The following MYOM3 variants were observed in gnomAD, a reference collection of about 807,000 sequenced individuals.
MYOM3 encodes the protein myomesin 3.
A neutral mutation model predicts 191.7 loss-of-function variants in MYOM3; 155 were observed. The observed-to-expected ratio is 0.81, with a 90% CI of 0.71 to 0.92. The LOEUF is 0.92. Ranked by LOEUF, MYOM3 falls within the 40% of genes least tolerant of loss-of-function variation. The pLI, the probability that MYOM3 is intolerant of heterozygous loss-of-function variation, is 0.00. For missense variants in MYOM3, 1,889 were observed against 1,890.6 expected (o/e 1.00, Z 0.02); for synonymous variants, 757 against 762.9 (o/e 0.99, Z 0.13).
At chr1:24,068,441 T>G in intron 25 of MYOM3, 74 bp from the exon 26 acceptor site, 1 of 1,574,334 alleles carries the variant, frequency 6.4e-7, no homozygotes, top group Non-Finnish European at 8.7e-7. Context: ...CAGAGTGTAG[T>G]GGGCTTGGGG....
At chr1:24,064,321 G>A (rs1164400914) in intron 29 of MYOM3, 162 bp from the exon 30 acceptor site, 9 of 587,372 alleles carry the variant, frequency 1.5e-5, no homozygotes, top group Non-Finnish European at 2.4e-5. Context: ...TCTGGGCTGG[G>A]TGAGCTCTAA....
At chr1:24,092,611 G>T (rs766988567) in intron 10 of MYOM3, among the ~76,000 whole-genome samples, 1 of 152,126 alleles carries the variant, frequency 6.6e-6, no homozygotes, top group African/African-American at 2.4e-5. Context: ...TCTCCTGGAG[G>T]TGAGTGAGTG....
chr1:24,089,772 G>A, intron 13 of MYOM3, 107 bp from the exon 14 acceptor site: 5 of 1,332,528 alleles, frequency 3.8e-6, no homozygotes, highest in South Asian at 1.5e-5. Flanking sequence ...CCATCCCCCA[G>A]AGAGGGGCAG....
At chr1:24,085,444 A>T (rs185162479) in intron 15 of MYOM3, among the ~76,000 whole-genome samples, 17 of 152,268 alleles carry the variant, frequency 1.1e-4, no homozygotes, top group African/African-American at 4.1e-4. Context: ...TGATCTTCCT[A>T]GTTCTCTTTT....
intron 14 of MYOM3, among the ~76,000 whole-genome samples, chr1:24,088,596 C>A (rs186406338): frequency 1.3e-5 from 2 of 152,092 alleles, no homozygotes; most frequent in Non-Finnish European, 2.9e-5. Context: ...TTTCCTATGT[C>A]GGAGAAAAAG....
Position 24,093,042 on chromosome 1 carries a change from AC to A in MYOM3, c.994del (p.Val332CysfsTer31). ...LYTDRQASLKVSCTYKEDEGL... is the reference protein window; with the variant it reads ...LYTDRQASLKXSCTYKEDEGL... ...CTCGTCCTCCTTGTAGGTGCAGGAC[AC>A]CTTCAGGGATGCCTGGCGGTCTGTG... On this transcript the variant is annotated frameshift_variant, in exon 10 of 37. Coordinates refer to ENST00000374434, the MANE Select transcript of MYOM3 (RefSeq NM_152372.4). LOFTEE classifies it high-confidence loss of function. The A allele has an allele frequency of 1.9e-6, 3 of 1,613,216 alleles. No homozygotes were observed. Among genetic ancestry groups the A allele is most frequent in the Non-Finnish European group, 2.5e-6 (3 of 1,179,894 alleles).
In MYOM3 at chr1:24,064,053, ACCCAT is replaced by A. The variant is rs775703783; in HGVS notation, c.3622+14_3622+18del. The A allele has an allele frequency of 6.2e-7, 1 of 1,601,968 alleles. No individual in the cohort carries two copies. The highest frequency in any genetic ancestry group is 1.7e-5 in the Admixed American group (1 of 59,900). ...CACTGTGCTCCCTCCACAGCCCCTG[ACCCAT>A]CGCCAGCTCCTACCGTCACCCGTGA... On this transcript the variant is annotated intron_variant, in intron 30 of 36. Transcript: ENST00000374434.
chr1:24,097,925 C>A lies in MYOM3; in HGVS notation c.743G>T (p.Arg248Leu). ...QASSFAKVLVRTYLGKDAGFD... is the reference protein window; with the variant it reads ...QASSFAKVLVLTYLGKDAGFD... Reference sequence around the variant, plus strand: ...CTGTTGGGGTTGGGAGGACTTACTGCGGACGAGGACTTTGGCGAAGGAGGA... The same window carrying A: ...CTGTTGGGGTTGGGAGGACTTACTGAGGACGAGGACTTTGGCGAAGGAGGA... Residue 248 changes from arginine (R) to leucine (L), a missense_variant and splice_region_variant, in exon 7 of 37, where the codon CGC becomes CTC. Coordinates refer to ENST00000374434, the MANE Select transcript of MYOM3 (RefSeq NM_152372.4). 6.2e-7 allele frequency: 1 copy of A among 1,610,322 alleles called. No individual in the cohort carries two copies. Among genetic ancestry groups the A allele is most frequent in the Non-Finnish European group, 8.5e-7 (1 of 1,176,552 alleles).
In MYOM3 at chr1:24,080,189, G is replaced by T. The variant is rs1209487817; in HGVS notation, c.2413C>A (p.Pro805Thr). The stretch of plus-strand genomic sequence containing the variant: ...ACCTCGGATGCCCGTACATCGTACG[G>T]GGGGCCTGTGACAAGTGAGAGATGG... ...KEWTMPQPGP[P>T]YDVRASEVRA... Residue 805 changes from proline (P) to threonine (T), a missense_variant, in exon 20 of 37, where the codon CCG (proline) becomes ACG (threonine). Coordinates refer to ENST00000374434, the MANE Select transcript of MYOM3 (RefSeq NM_152372.4). The T allele has an allele frequency of 3.1e-6, 5 of 1,608,902 alleles. No individual in the cohort carries two copies. The highest frequency in any genetic ancestry group is 4.2e-6 in the Non-Finnish European group (5 of 1,177,450).
At chr1:24,082,333 T>A (rs1390001215) in intron 17 of MYOM3, 145 bp from the exon 18 acceptor site, 6 of 900,250 alleles carry the variant, frequency 6.7e-6, no homozygotes, top group Non-Finnish European at 9.9e-6. Context: ...TATCTGTGCC[T>A]CAGGAGGGCA....
intron 27 of MYOM3, among the ~76,000 whole-genome samples, chr1:24,067,445 TTGTTTC>T (rs1643464549): frequency 7.7e-6 from 1 of 130,640 alleles, no homozygotes; most frequent in Non-Finnish European, 1.6e-5. Flanking sequence ...CTTCCTTCCT[TTGTTTC>T]CTTCCTTCTT....
chr1:24,061,005 A>G, intron 35 of MYOM3, 55 bp downstream of exon 35: 3 of 1,609,010 alleles, frequency 1.9e-6, no homozygotes, highest in Non-Finnish European at 2.6e-6. Flanking sequence ...TTGAGCTTCC[A>G]GGAAGTTTGC....
chr1:24,064,487 C>G (rs1417669118), intron 29 of MYOM3, among the ~76,000 whole-genome samples: 1 of 152,190 alleles, frequency 6.6e-6, no homozygotes, highest in Non-Finnish European at 1.5e-5. Flanking sequence ...GTGAGCCTCA[C>G]TTTGCAGAGC....
chr1:24,098,679 C>T (rs1410925572), intron 6 of MYOM3, among the ~76,000 whole-genome samples: 1 of 152,202 alleles, frequency 6.6e-6, no homozygotes, highest in African/African-American at 2.4e-5. Flanking sequence ...GCTTCCAGGG[C>T]CAGTCCTGCC....
chr1:24,086,074 G>A (rs959528824), intron 15 of MYOM3, among the ~76,000 whole-genome samples: 4 of 152,114 alleles, frequency 2.6e-5, no homozygotes, highest in African/African-American at 9.7e-5. Context: ...GGAAGCTGGG[G>A]TCAGGATGCA....
chr1:24,097,255 C>T (rs1643883444), intron 7 of MYOM3, among the ~76,000 whole-genome samples: 1 of 152,178 alleles, frequency 6.6e-6, no homozygotes, highest in South Asian at 2.1e-4. Flanking sequence ...TCCCAGAGGC[C>T]CTGAGATGGA....
chr1:24,064,157 C>A lies in MYOM3; in HGVS notation c.3537G>T (p.Leu1179Phe). 1 of 1,613,166 alleles carries A rather than the reference C, an allele frequency of 6.2e-7. No homozygotes were observed. The highest frequency in any genetic ancestry group is 1.1e-5 in the South Asian group (1 of 91,048). ...TGTAAATTCCCTTGTCCTTTTTGGA[C>A]AACTGGAAAGAAGGATGAGCGATGG... ...TGTGLLCIEELSKKDKGIYRA... is the reference protein window; with the variant it reads ...TGTGLLCIEEFSKKDKGIYRA... Residue 1179 changes from leucine (L) to phenylalanine (F), a missense_variant and splice_region_variant, in exon 30 of 37, where the codon TTG (leucine) becomes TTT (phenylalanine). Leu to Phe is a conservative substitution (Grantham distance 22, BLOSUM62 0). Transcript: ENST00000374434.
chr1:24,093,162 T>A (rs1162267483), intron 9 of MYOM3, 54 bp from the exon 10 acceptor site: 8 of 1,314,266 alleles, frequency 6.1e-6, no homozygotes, highest in Non-Finnish European at 7.4e-6. Flanking sequence ...TGGTCTCACC[T>A]GGGAACCACA....
intron 15 of MYOM3, among the ~76,000 whole-genome samples, chr1:24,086,227 T>C (rs4233048): frequency 0.59 from 89,525 of 151,822 alleles, 26,527 homozygotes; most frequent in African/African-American, 0.64. Context: ...TGCAGGTGAG[T>C]GGTGTCCTGC....
Sources: allele counts gnomAD v4.1 joint callset (sites outside exome capture counted in the v4.1 genomes callset), GRCh38; gene constraint gnomAD v4.1.1; transcripts MANE v1.5; gene names NCBI Gene and HGNC (gene_info 2026-07-23, HGNC 2026-07-21).